The following LZTFL1 variants were observed in gnomAD, a reference collection of about 807,000 sequenced individuals.
LZTFL1 encodes leucine zipper transcription factor-like protein 1.
Under a neutral mutation model 45.9 loss-of-function variants are expected in LZTFL1, and 25 were observed. The ratio of observed to expected loss-of-function variants is 0.54; its 90% CI spans 0.40 to 0.76. The LOEUF (loss-of-function observed/expected upper bound fraction) is 0.76, where lower values mean the gene tolerates loss of function less well. Ranked by LOEUF, LZTFL1 falls within the 30% of genes least tolerant of loss-of-function variation. LZTFL1 has a pLI of 0.00. For synonymous variants in LZTFL1, 93 were observed against 117.4 expected (o/e 0.79, Z 1.35); for missense variants, 277 against 331.1 (o/e 0.84, Z 1.27).
rs138048378 is a variant in LZTFL1 at position 45,903,567 on chromosome 3, A to T, written c.-215+9553T>A. ...TTCCATTCCAACGCCATCCCTTTCC[A>T]AAGGGGAGACAAAAGCACTGGACCC... On this transcript the variant is annotated intron_variant, in intron 2 of 4. Transcript: ENST00000472635. Among the ~76,000 whole-genome samples the T allele has an allele frequency of 8.1e-4, 123 of 152,320 alleles. 3 individuals carry two copies. The East Asian group carries it at 0.023, about 29-fold the overall frequency.
In LZTFL1 at chr3:45,901,824, T is replaced by C. The variant is rs1286971294; in HGVS notation, c.-215+11296A>G. On this transcript the variant is annotated intron_variant, in intron 2 of 4. Transcript: ENST00000472635. The surrounding 1 kb of genome is among the most constrained non-coding windows in gnomAD (Gnocchi z 4.3). ...CATCAGCCAGGCCCAGTGGGTTTCA[T>C]TTACAAGGAGAGAGGGAAGCTTGAA... The C allele has an allele frequency of 6.2e-7, 1 of 1,613,812 alleles. No homozygotes were observed. Among genetic ancestry groups the C allele is most frequent in the South Asian group, 1.1e-5 (1 of 91,068 alleles).
At chr3:45,841,946 T>G (rs1559406707) in intron 1 of LZTFL1, 43 bp downstream of exon 1, 3 of 1,607,310 alleles carry the variant, frequency 1.9e-6, no homozygotes, top group Non-Finnish European at 2.5e-6. Flanking sequence ...CCGGCCGCGC[T>G]CTCTCCTGTG....
intron 4 of LZTFL1, among the ~76,000 whole-genome samples, chr3:45,851,981 C>T (rs1487648572): frequency 6.6e-6 from 1 of 152,214 alleles, no homozygotes; most frequent in East Asian, 1.9e-4. Context: ...TCCTGCTCCA[C>T]TCCACCCAAG....
intron 1 of LZTFL1, among the ~76,000 whole-genome samples, chr3:45,840,002 C>CT (rs1701064904): frequency 6.6e-6 from 1 of 152,082 alleles, no homozygotes; most frequent in South Asian, 2.1e-4. Context: ...TATTGATTAT[C>CT]TTTTTTTTCA....
At chr3:45,829,432 G>A (rs1168930391) in intron 7 of LZTFL1, among the ~76,000 whole-genome samples, 3 of 151,624 alleles carry the variant, frequency 2.0e-5, no homozygotes, top group Admixed American at 6.6e-5. Flanking sequence ...GCAAGACCCC[G>A]TCTCTACAAA....
At chr3:45,881,188 GC>G (rs1224294837) in intron 2 of LZTFL1, among the ~76,000 whole-genome samples, 4 of 152,210 alleles carry the variant, frequency 2.6e-5, no homozygotes, top group African/African-American at 9.6e-5. Flanking sequence ...CAGCTTGGCA[GC>G]CACACCACTG....
chr3:45,841,697 G>A (rs1701119009), intron 1 of LZTFL1: 1 of 550,422 alleles, frequency 1.8e-6, no homozygotes, highest in South Asian at 2.4e-5. Flanking sequence ...CTCCTCACCT[G>A]CCACCTAAGA....
At chr3:45,873,222 A>T (rs1321425826) in intron 2 of LZTFL1, among the ~76,000 whole-genome samples, 1 of 152,216 alleles carries the variant, frequency 6.6e-6, no homozygotes, top group African/African-American at 2.4e-5. Context: ...GAGTTGATTC[A>T]GTGGGCCTAG....
In LZTFL1 at chr3:45,835,788, A is replaced by T; in HGVS notation, c.129-4T>A. The T allele has an allele frequency of 6.3e-7, 1 of 1,585,960 alleles. No homozygotes were observed. ...GGTGAAGGTGTCCTCCACCAGCCTG[A>T]AAAACAACCATGATCCAAAACTTAT... On this transcript the variant is annotated splice_polypyrimidine_tract_variant and splice_region_variant and intron_variant, in intron 2 of 9. Transcript: ENST00000296135.
At chr3:45,911,614 C>T (rs1702796270) in intron 2 of LZTFL1, among the ~76,000 whole-genome samples, 1 of 152,250 alleles carries the variant, frequency 6.6e-6, no homozygotes, top group Non-Finnish European at 1.5e-5. Flanking sequence ...TATAGCTCTT[C>T]TCACAAAGGC....
In LZTFL1 at chr3:45,835,764, G is replaced by C; in HGVS notation, c.149C>G (p.Thr50Ser). The change falls in exon 3 of 10, where the codon ACC becomes AGC. Residue 50 changes from threonine (T) to serine (S), a missense_variant. Transcript: ENST00000296135. Reference sequence around the variant, plus strand: ...GAGGACTTCAGAGACTTCATCTATGGTGAAGGTGTCCTCCACCAGCCTGAA... The same window carrying C: ...GAGGACTTCAGAGACTTCATCTATGCTGAAGGTGTCCTCCACCAGCCTGAA... Reference protein sequence around the residue: ...KESRLVEDTFTIDEVSEVLNG... With the variant: ...KESRLVEDTFSIDEVSEVLNG... 1 of 1,611,438 alleles carries C rather than the reference G, an allele frequency of 6.2e-7. No individual in the cohort carries two copies. The highest frequency in any genetic ancestry group is 8.5e-7 in the Non-Finnish European group (1 of 1,178,396).
intron 1 of LZTFL1, among the ~76,000 whole-genome samples, chr3:45,838,750 C>T (rs1701029436): frequency 6.6e-6 from 1 of 152,158 alleles, no homozygotes; most frequent in African/African-American, 2.4e-5. Flanking sequence ...AAGGCATCAG[C>T]CATGTTAGTT....
chr3:45,903,603 C>T (rs1702620368), intron 2 of LZTFL1, among the ~76,000 whole-genome samples: 1 of 152,228 alleles, frequency 6.6e-6, no homozygotes, highest in Non-Finnish European at 1.5e-5. Flanking sequence ...TGCCATTTCA[C>T]CCTTTTTCTC....
At chr3:45,851,326 A>G (rs1701306934) in intron 4 of LZTFL1, among the ~76,000 whole-genome samples, 1 of 150,824 alleles carries the variant, frequency 6.6e-6, no homozygotes, top group Admixed American at 6.6e-5. Context: ...TCCTGGGTTC[A>G]AGCGATTCTC....
rs529764414 is a variant in LZTFL1 at position 45,903,436 on chromosome 3, A to T, written c.-215+9684T>A. 2.0e-5 allele frequency: 3 copies of T among 152,316 alleles called. No individual in the cohort carries two copies. The South Asian group carries it at 6.2e-4, about 32-fold the overall frequency. The allele number at this position is 152,316 out of a possible 1,614,324, so 9.4% of individuals were successfully genotyped here. A position where few individuals can be genotyped will look rare whatever the true frequency, so the allele number is the denominator to read the frequency against. On this transcript the variant is annotated intron_variant, in intron 2 of 4. Transcript: ENST00000472635. ...GGCTTTTCCGTGTTAGTCAAATGGA[A>T]TTTCCAAGGAGGACTATTGGAACAG...
intron 2 of LZTFL1, among the ~76,000 whole-genome samples, chr3:45,911,271 C>T (rs1702790467): frequency 6.6e-6 from 1 of 152,210 alleles, no homozygotes; most frequent in African/African-American, 2.4e-5. Context: ...GGTGGCTACT[C>T]TGTAAATTAA....
intron 2 of LZTFL1, among the ~76,000 whole-genome samples, chr3:45,892,724 A>G (rs986528755): frequency 6.6e-6 from 1 of 152,160 alleles, no homozygotes; most frequent in African/African-American, 2.4e-5. Context: ...AAATAAAAGG[A>G]AAAAACCCAC....
intron 2 of LZTFL1, among the ~76,000 whole-genome samples, chr3:45,898,364 G>A (rs1024983386): frequency 5.9e-5 from 9 of 152,204 alleles, no homozygotes; most frequent in African/African-American, 2.2e-4. Context: ...CTGTCCTCTC[G>A]AGAGACTGGG....
chr3:45,830,495 A>G (rs147648437), intron 7 of LZTFL1, among the ~76,000 whole-genome samples: 4 of 152,338 alleles, frequency 2.6e-5, no homozygotes, highest in African/African-American at 9.6e-5. Flanking sequence ...GTTCAGTATA[A>G]TAAAACCCAA....
Sources: allele counts gnomAD v4.1 joint callset (sites outside exome capture counted in the v4.1 genomes callset), GRCh38; gene constraint gnomAD v4.1.1; non-coding constraint Gnocchi (gnomAD v3.1); transcripts MANE v1.5; gene names NCBI Gene and HGNC (gene_info 2026-07-23, HGNC 2026-07-21).